The following SMCO2 variants were observed in gnomAD, a reference collection of about 807,000 sequenced individuals.
SMCO2 encodes the protein single-pass membrane and coiled-coil domain-containing protein 2.
SMCO2 carries 25 observed loss-of-function variants against 29.5 expected under a neutral mutation model. The observed-to-expected ratio is 0.85, with a 90% CI of 0.62 to 1.18. The LOEUF (loss-of-function observed/expected upper bound fraction) is 1.18. Among genes scored for constraint, SMCO2 ranks in the 50% most tolerant of loss-of-function variants. The probability of loss-of-function intolerance (pLI) is 0.00; values close to 1 mark genes in which losing one functional copy is unlikely to be tolerated. For missense variants in SMCO2, 348 were observed against 344.5 expected (o/e 1.01, Z -0.08); for synonymous variants, 117 against 123.3 (o/e 0.95, Z 0.34).
At chr12:27,474,976 A>G (rs1949572552) in intron 4 of SMCO2, 63 bp downstream of exon 4, 1 of 1,515,772 alleles carries the variant, frequency 6.6e-7, no homozygotes, top group Non-Finnish European at 8.9e-7. Context: ...ATAGAATTTA[A>G]GCAGATAACT....
At chr12:27,458,573 TAG>T in the SMCO2 span, among the ~76,000 whole-genome samples, 1 of 152,198 alleles carries the variant, frequency 6.6e-6, no homozygotes, top group African/African-American at 2.4e-5. Context: ...GGCTTAAAGA[TAG>T]AGTTTTATTC....
At chr12:27,423,319 CTTTTCTTTTTTTTT>C in the SMCO2 span, 1 of 123,882 alleles carries the variant, frequency 8.1e-6, no homozygotes, top group African/African-American at 3.1e-5. Context: ...CTTTTCTTTT[CTTTTCTTTTTTTTT>C]TTTTTTTTTT....
At chr12:27,467,300 A>G (rs531479212) in intron 1 of SMCO2, among the ~76,000 whole-genome samples, 13 of 152,156 alleles carry the variant, frequency 8.5e-5, no homozygotes, top group Non-Finnish European at 1.6e-4. Context: ...GTACCAAACA[A>G]TCCTAGAAAG....
chr12:27,488,884 G>A (rs984957593), intron 5 of SMCO2, among the ~76,000 whole-genome samples: 5 of 151,974 alleles, frequency 3.3e-5, no homozygotes, highest in Admixed American at 6.6e-5. Context: ...AATAAATATT[G>A]GTCAAAAACT....
upstream of SMCO2, among the ~76,000 whole-genome samples, chr12:27,465,998 A>G (rs306634): frequency 0.65 from 98,709 of 152,000 alleles, 32,612 homozygotes; most frequent in Middle Eastern, 0.77. Flanking sequence ...TGGGAGAGGG[A>G]AATGTGAGCC....
upstream of SMCO2, among the ~76,000 whole-genome samples, chr12:27,465,028 C>CAAAAAAAAAAA (rs35630976): frequency 1.7e-5 from 1 of 60,554 alleles, no homozygotes; most frequent in Non-Finnish European, 3.3e-5. Context: ...GACCCTGTCT[C>CAAAAAAAAAAA]AAAAAAAAAA....
chr12:27,475,865 A>G, intron 4 of SMCO2, 134 bp downstream of exon 5: 1 of 972,514 alleles, frequency 1.0e-6, no homozygotes. Context: ...ATATCTGTTT[A>G]TCTTTTGCTC....
intron 5 of SMCO2, among the ~76,000 whole-genome samples, chr12:27,490,914 G>A (rs1408038595): frequency 1.3e-5 from 2 of 152,098 alleles, no homozygotes; most frequent in South Asian, 2.1e-4. Flanking sequence ...CTCCAGCCTG[G>A]GCAGCCGAGT....
chr12:27,443,295 A>G, the SMCO2 span, among the ~76,000 whole-genome samples: 2 of 152,188 alleles, frequency 1.3e-5, no homozygotes, highest in Admixed American at 6.5e-5. Context: ...GCCAAAAAAC[A>G]TTTTTATAAA....
chr12:27,457,130 T>G, the SMCO2 span, among the ~76,000 whole-genome samples: 1 of 152,000 alleles, frequency 6.6e-6, no homozygotes, highest in Non-Finnish European at 1.5e-5. Context: ...AGGGCAGAGG[T>G]TGGCTACCCC....
chr12:27,459,659 A>C, the SMCO2 span, among the ~76,000 whole-genome samples: 2 of 152,228 alleles, frequency 1.3e-5, no homozygotes, highest in Non-Finnish European at 2.9e-5. Context: ...CATGATTTGG[A>C]CAGGGACCGT....
At chr12:27,457,816 C>T in the SMCO2 span, among the ~76,000 whole-genome samples, 1 of 152,196 alleles carries the variant, frequency 6.6e-6, no homozygotes, top group South Asian at 2.1e-4. Context: ...GTAACCAGTA[C>T]TTCTGGTTAA....
chr12:27,470,800 AG>A (rs1384047248), intron 2 of SMCO2, 35 bp downstream of exon 2: 1 of 1,545,686 alleles, frequency 6.5e-7, no homozygotes, highest in South Asian at 1.2e-5. Context: ...AGCAGTTTCT[AG>A]GGTCCCAACT....
chr12:27,456,602 A>G, the SMCO2 span, among the ~76,000 whole-genome samples: 5 of 152,212 alleles, frequency 3.3e-5, no homozygotes, highest in Admixed American at 6.5e-5. Context: ...GTTTTTAACA[A>G]TTATTTAAAG....
At chr12:27,445,624 A>G in the SMCO2 span, among the ~76,000 whole-genome samples, 1 of 152,204 alleles carries the variant, frequency 6.6e-6, no homozygotes, top group Non-Finnish European at 1.5e-5. Context: ...TCAGACCCAC[A>G]TGTCCCAAGA....
chr12:27,472,363 T>TG (rs1419388209), intron 2 of SMCO2, among the ~76,000 whole-genome samples: 7 of 152,252 alleles, frequency 4.6e-5, no homozygotes, highest in East Asian at 1.9e-4. Context: ...GGAGGACAGC[T>TG]GGCGGGGTGG....
chr12:27,456,580 G>A, the SMCO2 span, among the ~76,000 whole-genome samples: 2 of 152,158 alleles, frequency 1.3e-5, no homozygotes, highest in African/African-American at 2.4e-5. Flanking sequence ...CACTGCACCC[G>A]ACTATTGTGT....
intron 4 of SMCO2, among the ~76,000 whole-genome samples, chr12:27,485,265 CTGTAGTT>C (rs1302802531): frequency 6.6e-6 from 1 of 151,882 alleles, no homozygotes; most frequent in Non-Finnish European, 1.5e-5. Context: ...ATCTCAGACA[CTGTAGTT>C]TGTGTCTATA....
At chr12:27,448,592 G>A in the SMCO2 span, among the ~76,000 whole-genome samples, 1 of 152,250 alleles carries the variant, frequency 6.6e-6, no homozygotes, top group East Asian at 1.9e-4. Flanking sequence ...CTTAAGCCAG[G>A]CTCTGGGACC....
Sources: allele counts gnomAD v4.1 joint callset (sites outside exome capture counted in the v4.1 genomes callset), GRCh38; gene constraint gnomAD v4.1.1; transcripts MANE v1.5; gene names NCBI Gene and HGNC (gene_info 2026-07-23, HGNC 2026-07-21).